Variants in ABCC1 observed in about 807,000 individuals in gnomAD.
ABCC1 encodes the protein multidrug resistance-associated protein 1.
In ABCC1, 83 loss-of-function variants were observed where a neutral mutation model predicts 172.9. The ratio of observed to expected loss-of-function variants is 0.48; its 90% CI spans 0.40 to 0.58. ABCC1 has a LOEUF of 0.58. Among genes scored for constraint, ABCC1 ranks in the 20% least tolerant of loss-of-function variants. The pLI is 0.00. For synonymous variants in ABCC1, 937 were observed against 825.2 expected, an observed-to-expected ratio of 1.14 and a Z score of -2.32; for missense variants, 1,817 against 2,002.7, an observed-to-expected ratio of 0.91 and a Z score of 1.77.
At chr16:15,985,350 C>G (rs2046719490) in intron 1 of ABCC1, among the ~76,000 whole-genome samples, 1 of 152,194 alleles carries the variant, frequency 6.6e-6, no homozygotes, top group African/African-American at 2.4e-5. Flanking sequence ...GAGATGTGAA[C>G]AAGCATTACT....
chr16:16,122,221 C>A (rs375050035), intron 24 of ABCC1, 47 bp downstream of exon 24: 2 of 1,594,862 alleles, frequency 1.3e-6, no homozygotes, highest in Non-Finnish European at 1.7e-6. Context: ...GCCGCCTTAG[C>A]ACCTTGTCTC....
intron 30 of ABCC1, among the ~76,000 whole-genome samples, chr16:16,138,872 T>A (rs911974175): frequency 6.6e-6 from 1 of 152,028 alleles, no homozygotes; most frequent in African/African-American, 2.4e-5. Flanking sequence ...ACCACGCCCA[T>A]CTAACTTTTA....
chr16:16,098,905 C>T (rs2051602635), intron 19 of ABCC1: 1 of 1,352,016 alleles, frequency 7.4e-7, no homozygotes, highest in Non-Finnish European at 9.8e-7. Context: ...GGAAGCAGGT[C>T]AGTACTGCCC....
At chr16:16,052,536 G>A (rs1277742106) in intron 10 of ABCC1, among the ~76,000 whole-genome samples, 188 bp from the exon 11 acceptor site, 16 of 152,208 alleles carry the variant, frequency 1.1e-4, no homozygotes, top group Admixed American at 1.0e-3. Context: ...AAGGGATTGG[G>A]AGGACCTGGA....
chr16:16,063,436 C>G (rs982785133), intron 12 of ABCC1, among the ~76,000 whole-genome samples: 4 of 152,094 alleles, frequency 2.6e-5, no homozygotes, highest in African/African-American at 9.7e-5. Flanking sequence ...CTTGTACCAG[C>G]AAAGCATAGG....
chr16:15,950,555 C>T (rs1435248949), intron 1 of ABCC1, among the ~76,000 whole-genome samples: 1 of 152,142 alleles, frequency 6.6e-6, no homozygotes, highest in African/African-American at 2.4e-5. Context: ...GATTTAACCC[C>T]GGCAAGTTTT....
intron 1 of ABCC1, among the ~76,000 whole-genome samples, chr16:15,981,816 C>T (rs1198354558): frequency 6.6e-6 from 1 of 152,126 alleles, no homozygotes; most frequent in Non-Finnish European, 1.5e-5. Context: ...TTTTCTTTTC[C>T]GTCACATCAT....
intron 1 of ABCC1, among the ~76,000 whole-genome samples, chr16:15,973,984 C>CA (rs539329708): frequency 4.6e-5 from 7 of 151,386 alleles, no homozygotes; most frequent in African/African-American, 9.7e-5. Context: ...GACCCTGTCT[C>CA]AAAAAAAAGA....
intron 1 of ABCC1, among the ~76,000 whole-genome samples, chr16:15,966,920 G>T (rs943375818): frequency 6.6e-6 from 1 of 152,142 alleles, no homozygotes; most frequent in Non-Finnish European, 1.5e-5. Context: ...GCCTCAAGCA[G>T]TTCTCCTGCC....
chr16:16,131,843 C>T lies in ABCC1; in HGVS notation c.3874C>T (p.Arg1292Ter), dbSNP rs374116688. ...GCCCAGCAGCTGGCCCCAGGTGGGC[C>T]GAGTGGAATTCCGGAACTACTGCCT... ...APPSSWPQVG[R>*]VEFRNYCLRY... Residue 1292 changes from arginine (R) to a stop codon, truncating the protein, a stop_gained, in exon 27 of 31, where the codon CGA (arginine) becomes TGA (stop). Coordinates refer to ENST00000399410, the MANE Select transcript of ABCC1 (RefSeq NM_004996.4). LOFTEE classifies it high-confidence loss of function. 9.9e-6 allele frequency: 16 copies of T among 1,614,028 alleles called. No individual in the cohort carries two copies. Among genetic ancestry groups the T allele is most frequent in the East Asian group, 2.2e-5 (1 of 44,888 alleles).
chr16:16,047,833 C>T (rs1393884728), intron 9 of ABCC1, among the ~76,000 whole-genome samples: 1 of 149,938 alleles, frequency 6.7e-6, no homozygotes, highest in African/African-American at 2.5e-5. Flanking sequence ...CCACCCCCCA[C>T]CACTCCCCCC....
chr16:15,972,728 C>T (rs1489697693), intron 1 of ABCC1, among the ~76,000 whole-genome samples: 2 of 150,002 alleles, frequency 1.3e-5, no homozygotes, highest in African/African-American at 4.9e-5. Context: ...GAGGAAACAG[C>T]AAGGGAGAAA....
chr16:16,093,861 G>C (rs1334741393), intron 19 of ABCC1, among the ~76,000 whole-genome samples: 1 of 152,074 alleles, frequency 6.6e-6, no homozygotes, highest in Admixed American at 6.6e-5. Context: ...GAGAATCCTT[G>C]AGGGGGGATG....
chr16:16,044,965 T>G (rs1443572372), intron 8 of ABCC1, among the ~76,000 whole-genome samples: 1 of 152,144 alleles, frequency 6.6e-6, no homozygotes, highest in Non-Finnish European at 1.5e-5. Flanking sequence ...TACTTTATGC[T>G]TTACTTAATT....
intron 7 of ABCC1, among the ~76,000 whole-genome samples, chr16:16,039,449 A>G (rs1342742131): frequency 1.3e-5 from 2 of 151,544 alleles, no homozygotes; most frequent in Non-Finnish European, 2.9e-5. Flanking sequence ...TTGTATTTTT[A>G]GTAGAGACGG....
At chr16:16,079,303 G>T (rs561970795) in intron 15 of ABCC1, 49 bp from the exon 16 acceptor site, 20 of 1,603,960 alleles carry the variant, frequency 1.2e-5, no homozygotes, top group Non-Finnish European at 1.7e-5. Context: ...GCATTAGCCC[G>T]GCAGGCCTCA....
intron 1 of ABCC1, among the ~76,000 whole-genome samples, chr16:15,991,927 A>G (rs1036076090): frequency 3.9e-5 from 6 of 152,228 alleles, no homozygotes; most frequent in Admixed American, 3.3e-4. Flanking sequence ...GCACCAGTTC[A>G]TGCATGCCCT....
At chr16:15,969,866 G>C (rs117854) in intron 1 of ABCC1, among the ~76,000 whole-genome samples, 90,986 of 151,718 alleles carry the variant, frequency 0.6, 28,476 homozygotes, top group South Asian at 0.71. Context: ...TGAGGGTCCT[G>C]CATAGCCCTT....
At chr16:16,138,235 G>A in intron 29 of ABCC1, 129 bp from the exon 30 acceptor site, 1 of 722,360 alleles carries the variant, frequency 1.4e-6, no homozygotes, top group African/African-American at 1.8e-5. Flanking sequence ...ACAGATGTTG[G>A]GAGTGGACAT....
Sources: allele counts gnomAD v4.1 joint callset (sites outside exome capture counted in the v4.1 genomes callset), GRCh38; gene constraint gnomAD v4.1.1; transcripts MANE v1.5; gene names NCBI Gene and HGNC (gene_info 2026-07-23, HGNC 2026-07-21).